Variants in DPPA4 observed in about 807,000 individuals in gnomAD.
DPPA4 encodes developmental pluripotency-associated protein 4.
In DPPA4, 22 loss-of-function variants were observed where a neutral mutation model predicts 33.7. That is an observed-to-expected ratio of 0.65 (90% CI 0.47 to 0.93). The LOEUF (loss-of-function observed/expected upper bound fraction) is 0.93, where lower values mean the gene tolerates loss of function less well. DPPA4 is among the 40% of genes least tolerant of loss of function. The pLI, the probability that DPPA4 is intolerant of heterozygous loss-of-function variation, is 0.00. For missense variants in DPPA4, 340 were observed against 358.6 expected (o/e 0.95, Z 0.42); for synonymous variants, 156 against 132.3 (o/e 1.18, Z -1.23).
chr3:109,338,400 A>G (rs566594717), upstream of DPPA4, among the ~76,000 whole-genome samples: 1 of 152,360 alleles, frequency 6.6e-6, no homozygotes, highest in Non-Finnish European at 1.5e-5. Flanking sequence ...TCTCCTTAAA[A>G]TAATTTGAAA....
intron 5 of DPPA4, 124 bp downstream of exon 5, chr3:109,330,400 G>T: frequency 9.5e-7 from 1 of 1,057,334 alleles, no homozygotes; most frequent in Non-Finnish European, 1.4e-6. Context: ...AAACTCTGTG[G>T]GCAGGGTCCA....
intron 1 of DPPA4, among the ~76,000 whole-genome samples, chr3:109,334,289 G>A (rs1334927692): frequency 1.3e-5 from 2 of 152,212 alleles, no homozygotes; most frequent in Non-Finnish European, 2.9e-5. Flanking sequence ...GCTCACGCCT[G>A]TAGTCTGAGT....
intron 2 of DPPA4, among the ~76,000 whole-genome samples, chr3:109,332,989 G>C (rs1454913621): frequency 6.6e-6 from 1 of 152,104 alleles, no homozygotes; most frequent in African/African-American, 2.4e-5. Context: ...GGGAGGCTGA[G>C]GCAGGAGAAC....
In DPPA4 at chr3:109,326,639, A is replaced by G. The variant is rs1189596072; in HGVS notation, c.*1349T>C. The G allele has an allele frequency of 6.6e-6, 1 of 152,232 alleles. No individual in the cohort carries two copies. Among genetic ancestry groups the G allele is most frequent in the African/African-American group, 2.4e-5 (1 of 41,462 alleles). The allele number at this position is 152,232 out of a possible 1,614,324, so 9.4% of individuals were successfully genotyped here. A position where few individuals can be genotyped will look rare whatever the true frequency, so the allele number is the denominator to read the frequency against. ...CAAAACAATGTTGGAAACTGTCATT[A>G]AATCAGGATAAGTGAAAAACAGATC... On this transcript the variant is annotated 3_prime_UTR_variant, in exon 7 of 7. Coordinates refer to ENST00000335658, the MANE Select transcript of DPPA4 (RefSeq NM_018189.4).
chr3:109,331,997 G>A lies in DPPA4; in HGVS notation c.213C>T (p.Asp71=), dbSNP rs201677263. Residue 71 remains aspartate (D), a synonymous_variant, in exon 3 of 7, where the codon GAC becomes GAT. Transcript: ENST00000335658. ...LCPKKKAEHT[D]NPRPQKKIPI... is the part of the protein sequence containing the mutation. ...GTATCTTCTTCTGAGGTCTGGGGTT[G>A]TCAGTGTGCTCTGCCTTTTTCTTAG... 1 of 1,614,018 alleles carries A rather than the reference G, an allele frequency of 6.2e-7. No individual in the cohort carries two copies. The highest frequency in any genetic ancestry group is 8.5e-7 in the Non-Finnish European group (1 of 1,179,906).
At chr3:109,329,142 A>G in intron 5 of DPPA4, 54 bp from the exon 6 acceptor site, 1 of 1,504,144 alleles carries the variant, frequency 6.6e-7, no homozygotes, top group Non-Finnish European at 9.2e-7. Flanking sequence ...TGACATACTG[A>G]TGTAAGACTG....
chr3:109,333,480 C>G (rs1708127188), intron 2 of DPPA4: 1 of 195,088 alleles, frequency 5.1e-6, no homozygotes, highest in Non-Finnish European at 1.0e-5. Flanking sequence ...AATTTTAACA[C>G]TCCATTCCCA....
At chr3:109,335,502 C>T (rs529782447) in intron 1 of DPPA4, among the ~76,000 whole-genome samples, 20 of 152,300 alleles carry the variant, frequency 1.3e-4, no homozygotes, top group African/African-American at 4.3e-4. Context: ...AATCTCGGCT[C>T]ACTGCAACTT....
In DPPA4 at chr3:109,327,731, G is replaced by A; in HGVS notation, c.*257C>T. The stretch of plus-strand genomic sequence containing the variant: ...TATTTTAGAAAAGTAGTATGAATGA[G>A]TTTTTCTACATATTAACTACAATTT... On this transcript the variant is annotated 3_prime_UTR_variant, in exon 7 of 7. Coordinates refer to ENST00000335658, the MANE Select transcript of DPPA4 (RefSeq NM_018189.4). 2 of 377,700 alleles carry A rather than the reference G, an allele frequency of 5.3e-6. No homozygotes were observed. Among genetic ancestry groups the A allele is most frequent in the East Asian group, 8.9e-5 (2 of 22,504 alleles). The allele number at this position is 377,700 out of a possible 1,614,324, so 23.4% of individuals were successfully genotyped here. A position where few individuals can be genotyped will look rare whatever the true frequency, so the allele number is the denominator to read the frequency against.
At chr3:109,329,301 C>T (rs1025636408) in intron 5 of DPPA4, 8 of 513,728 alleles carry the variant, frequency 1.6e-5, no homozygotes, top group Middle Eastern at 4.7e-4. Context: ...TTTGGGAGGC[C>T]GAGGCGGGTG....
At position 109,326,957 on chromosome 3, in the gene DPPA4, A is replaced by T. The variant is rs1707948775; in HGVS notation, c.*1031T>A. 6.6e-6 allele frequency: 1 copy of T among 152,218 alleles called. No homozygotes were observed. Among genetic ancestry groups the T allele is most frequent in the African/African-American group, 2.4e-5 (1 of 41,452 alleles). The allele number at this position is 152,218 out of a possible 1,614,324, so 9.4% of individuals were successfully genotyped here. A position where few individuals can be genotyped will look rare whatever the true frequency, so the allele number is the denominator to read the frequency against. ...ACAACAGATGAATTATTTTACATAC[A>T]CATCTTATTTTTATTTATGGAGAAT... On this transcript the variant is annotated 3_prime_UTR_variant, in exon 7 of 7. Coordinates refer to ENST00000335658, the MANE Select transcript of DPPA4 (RefSeq NM_018189.4).
chr3:109,329,182 G>A (rs1306285019), intron 5 of DPPA4, 94 bp from the exon 6 acceptor site: 1 of 1,064,078 alleles, frequency 9.4e-7, no homozygotes, highest in Non-Finnish European at 1.4e-6. Context: ...TGATTGACCA[G>A]CTCCAAGATG....
chr3:109,331,543 CAAAAAAAAAAA>C (rs62827961), intron 4 of DPPA4, among the ~76,000 whole-genome samples, 180 bp downstream of exon 4: 4 of 71,470 alleles, frequency 5.6e-5, no homozygotes, highest in Admixed American at 4.3e-4. Context: ...GACTCTGTCT[CAAAAAAAAAAA>C]AAAAAAAAAA....
chr3:109,331,969 T>C lies in DPPA4; in HGVS notation c.241A>G (p.Ile81Val), dbSNP rs559171357. 4.5e-5 allele frequency: 73 copies of C among 1,613,998 alleles called. No individual in the cohort carries two copies. In the South Asian group the frequency reaches 6.4e-4, roughly 14 times the overall value. ...DNPRPQKKIP[I>V]PPLPSKLPPV... The stretch of plus-strand genomic sequence containing the variant: ...GGCAGTTTAGAAGGTAATGGAGGGA[T>C]TGGTATCTTCTTCTGAGGTCTGGGG... Residue 81 changes from isoleucine (I) to valine (V), a missense_variant, in exon 3 of 7, where the codon ATC becomes GTC. By Grantham distance (29) the Ile-to-Val change is conservative. Around this residue, in one of 3 missense-constraint regions of DPPA4, gnomAD observed 96 missense variants for 91.8 expected, o/e 1.05. Coordinates refer to ENST00000335658, the MANE Select transcript of DPPA4 (RefSeq NM_018189.4).
chr3:109,335,221 T>C lies in DPPA4; in HGVS notation c.55-1228A>G, dbSNP rs143265312. Among the ~76,000 whole-genome samples, 529 of 152,268 alleles carry C rather than the reference T, an allele frequency of 3.5e-3. 9 individuals carry two copies. The highest frequency in any genetic ancestry group is 0.012 in the African/African-American group (483 of 41,564). The stretch of plus-strand genomic sequence containing the variant: ...AGGCTGGAGTGCAGTGACAGGACCA[T>C]AGCTCACTCCAAGCTCTACCTCCCG... On this transcript the variant is annotated intron_variant, in intron 1 of 6. Transcript: ENST00000335658.
intron 4 of DPPA4, 143 bp downstream of exon 4, chr3:109,331,591 G>T: frequency 9.0e-6 from 4 of 443,352 alleles, no homozygotes; most frequent in East Asian, 4.0e-5. Context: ...AAAAAAAAGA[G>T]AAGTAGAGAT....
chr3:109,337,689 G>T (rs560922108), upstream of DPPA4: 4 of 633,190 alleles, frequency 6.3e-6, no homozygotes, highest in Non-Finnish European at 1.1e-5. Context: ...TTCATGGGGT[G>T]ACTTTTGTCT....
chr3:109,338,554 A>G (rs940781413), upstream of DPPA4, among the ~76,000 whole-genome samples: 9 of 151,922 alleles, frequency 5.9e-5, no homozygotes, highest in Non-Finnish European at 1.2e-4. Flanking sequence ...TTTTTTTCCT[A>G]CATCTCATTG....
rs35734174 is a variant in DPPA4 at position 109,330,816 on chromosome 3, CA to C, written c.391-5del. On this transcript the variant is annotated splice_polypyrimidine_tract_variant and splice_region_variant and intron_variant, in intron 4 of 6. Coordinates refer to ENST00000335658, the MANE Select transcript of DPPA4 (RefSeq NM_018189.4). ...CTTTTGCTGTGCTAGGAAAATCCTA[CA>C]AAAAGGGTTAAATAATAAAGATAAA... 3 of 1,587,144 alleles carry C rather than the reference CA, an allele frequency of 1.9e-6. No homozygotes were observed. The highest frequency in any genetic ancestry group is 8.5e-7 in the Non-Finnish European group (1 of 1,170,522).
Sources: gnomAD v4.1 joint callset for allele counts (sites outside exome capture counted in the v4.1 genomes callset) on GRCh38, gnomAD v4.1.1 for gene constraint, gnomAD v4.1.1 regional missense constraint, MANE v1.5 for transcripts, NCBI Gene and HGNC (gene_info 2026-07-23, HGNC 2026-07-21) for gene names.